VPS13C: variants seen among roughly 807,000 people sequenced by gnomAD.
VPS13C encodes vacuolar protein sorting 13 homolog C.
A neutral mutation model predicts 456.8 loss-of-function variants in VPS13C; 358 were observed. The observed-to-expected ratio is 0.78, with a 90% CI of 0.72 to 0.86. VPS13C has a LOEUF of 0.86. VPS13C is among the 40% of genes least tolerant of loss of function. The pLI is 0.00. For synonymous variants in VPS13C, 1,578 were observed against 1,486.7 expected (o/e 1.06, Z -1.41); for missense variants, 4,818 against 4,385.4 (o/e 1.10, Z -2.79).
chr15:61,963,437 G>A (rs1399724563), intron 32 of VPS13C, among the ~76,000 whole-genome samples: 1 of 151,136 alleles, frequency 6.6e-6, no homozygotes, highest in African/African-American at 2.4e-5. Context: ...GACAAATAAA[G>A]ACAAATACAT....
chr15:62,010,543 C>G lies in VPS13C; in HGVS notation c.940G>C (p.Glu314Gln). ...KLYMNPYAES[E>Q]LKTPKLDCNI... ...CAATCCAGTTTGGGCGTTTTGAGCT[C>G]TGATTCTGCATAAGGATTCATGTAG... The change falls in exon 13 of 85, where the codon GAG (glutamate) becomes CAG (glutamine). Residue 314 changes from glutamate to glutamine, a missense_variant. This residue lies in a region of VPS13C where 4,552 missense variants were observed against 4,130.6 expected (regional missense o/e 1.10). Transcript: ENST00000644861. The G allele has an allele frequency of 1.2e-6, 2 of 1,613,412 alleles. No homozygotes were observed. The highest frequency in any genetic ancestry group is 1.7e-6 in the Non-Finnish European group (2 of 1,179,726).
At chr15:62,000,002 G>C (rs2140455521) in intron 16 of VPS13C, among the ~76,000 whole-genome samples, 1 of 151,746 alleles carries the variant, frequency 6.6e-6, no homozygotes, top group South Asian at 2.1e-4. Context: ...AGTATTCTAA[G>C]TTGTCAGAAT....
intron 19 of VPS13C, 137 bp downstream of exon 19, chr15:61,984,720 A>G (rs1437341849): frequency 3.5e-6 from 3 of 850,376 alleles, no homozygotes; most frequent in African/African-American, 3.5e-5. Context: ...GAGCAAATAT[A>G]AAAAGGCTAT....
chr15:61,978,881 A>C (rs757429117), intron 22 of VPS13C, 132 bp from the exon 23 acceptor site: 1 of 748,504 alleles, frequency 1.3e-6, no homozygotes, highest in Non-Finnish European at 2.0e-6. Context: ...GCTCTTAATG[A>C]ATAAACATTT....
At chr15:61,875,123 G>A (rs969127973) in intron 76 of VPS13C, among the ~76,000 whole-genome samples, 172 bp from the exon 77 acceptor site, 5 of 151,988 alleles carry the variant, frequency 3.3e-5, no homozygotes, top group African/African-American at 1.2e-4. Flanking sequence ...TATTGTGTTT[G>A]AAGACACTTT....
At chr15:62,016,219 C>T (rs192494612) in intron 9 of VPS13C, among the ~76,000 whole-genome samples, 1 of 151,244 alleles carries the variant, frequency 6.6e-6, no homozygotes, top group African/African-American at 2.4e-5. Flanking sequence ...AGTCATAAGG[C>T]AAACTTGTCT....
At chr15:61,865,765 CGT>C (rs933988247) in intron 81 of VPS13C, 14 of 682,178 alleles carry the variant, frequency 2.1e-5, no homozygotes, top group Non-Finnish European at 2.5e-5. Context: ...CATATATGTA[CGT>C]GTGTATATAT....
intron 76 of VPS13C, among the ~76,000 whole-genome samples, chr15:61,875,406 A>T (rs1273964739): frequency 6.6e-6 from 1 of 152,020 alleles, no homozygotes; most frequent in African/African-American, 2.4e-5. Context: ...GACAGCTTGA[A>T]TATGAAACAA....
intron 8 of VPS13C, among the ~76,000 whole-genome samples, chr15:62,022,287 A>G (rs2047490897): frequency 2.0e-5 from 3 of 151,894 alleles, no homozygotes. Context: ...TTTACAAATT[A>G]GAAATGGGAT....
intron 68 of VPS13C, among the ~76,000 whole-genome samples, chr15:61,883,615 A>C (rs929357629): frequency 5.3e-5 from 8 of 152,144 alleles, no homozygotes; most frequent in African/African-American, 1.9e-4. Context: ...GTAAGGGCCT[A>C]GGTGGAGTGC....
At position 61,967,351 on chromosome 15, in the gene VPS13C, C is replaced by A. The variant is rs1302101527; in HGVS notation, c.2991+17G>T. 6.3e-7 allele frequency: 1 copy of A among 1,582,860 alleles called. No homozygotes were observed. Among genetic ancestry groups the A allele is most frequent in the Admixed American group, 1.7e-5 (1 of 57,520 alleles). On this transcript the variant is annotated intron_variant, in intron 29 of 84. Coordinates refer to ENST00000644861, the MANE Select transcript of VPS13C (RefSeq NM_020821.3). ...TTGGAGTAAACAATAAATATATAAT[C>A]ATTCTATAGCCCTTACCTTAATATA...
At chr15:61,924,799 T>C (rs1181675049) in intron 53 of VPS13C, among the ~76,000 whole-genome samples, 2 of 152,334 alleles carry the variant, frequency 1.3e-5, no homozygotes, top group East Asian at 1.9e-4. Context: ...ACTACCATTA[T>C]TGGCATTAAC....
chr15:61,883,229 G>T lies in VPS13C; in HGVS notation c.9484-493C>A, dbSNP rs1397565895. 3.4e-5 allele frequency among the ~76,000 whole-genome samples: 5 copies of T among 148,358 alleles called. No homozygotes were observed. In the Admixed American group the frequency reaches 3.4e-4, roughly 10 times the overall value. ...TTTTTTTTTTTTTTGTAGAGACAAG[G>T]TCTCACTATGTTGTCCAGGCAAGTC... On this transcript the variant is annotated intron_variant, in intron 68 of 84. Transcript: ENST00000644861.
chr15:61,965,865 A>C (rs998979092), intron 30 of VPS13C, among the ~76,000 whole-genome samples: 1 of 151,874 alleles, frequency 6.6e-6, no homozygotes, highest in Non-Finnish European at 1.5e-5. Flanking sequence ...AATAATACTG[A>C]AACTTTTAAG....
chr15:61,928,883 C>T (rs1307371517), intron 51 of VPS13C, among the ~76,000 whole-genome samples: 1 of 143,128 alleles, frequency 7.0e-6, no homozygotes, highest in African/African-American at 2.6e-5. Flanking sequence ...CAGCCCATCT[C>T]GAAAAAAATT....
At chr15:61,871,936 TA>T in intron 79 of VPS13C, 52 bp downstream of exon 79, 1 of 1,488,382 alleles carries the variant, frequency 6.7e-7, no homozygotes, top group Non-Finnish European at 9.3e-7. Context: ...CTATGTTTAC[TA>T]ATAGCATCAA....
intron 42 of VPS13C, among the ~76,000 whole-genome samples, chr15:61,948,745 C>G (rs2140282237): frequency 6.6e-6 from 1 of 151,604 alleles, no homozygotes; most frequent in African/African-American, 2.4e-5. Context: ...AGTTTTACAC[C>G]AAACATGCCA....
chr15:62,008,865 C>A lies in VPS13C; in HGVS notation c.1012-104G>T, dbSNP rs2046944971. Reference sequence around the variant, plus strand: ...CTAGTGAGACTCCAAATACCCTGAACAATGTTGCCTGGTAGTCCAATAATA... The same window carrying A: ...CTAGTGAGACTCCAAATACCCTGAAAAATGTTGCCTGGTAGTCCAATAATA... On this transcript the variant is annotated intron_variant, in intron 13 of 84. Coordinates refer to ENST00000644861, the MANE Select transcript of VPS13C (RefSeq NM_020821.3). The A allele has an allele frequency of 7.4e-6, 4 of 543,832 alleles. No homozygotes were observed. In the South Asian group the frequency reaches 1.6e-4, roughly 22 times the overall value. The allele number at this position is 543,832 out of a possible 1,614,324, so 33.7% of individuals were successfully genotyped here. A position where few individuals can be genotyped will look rare whatever the true frequency, so the allele number is the denominator to read the frequency against.
chr15:61,966,193 A>T, intron 29 of VPS13C, 51 bp from the exon 30 acceptor site: 2 of 1,299,982 alleles, frequency 1.5e-6, no homozygotes, highest in Non-Finnish European at 2.2e-6. Flanking sequence ...CGAAGTAAAT[A>T]AATCACTTAT....
Sources: allele counts gnomAD v4.1 joint callset (sites outside exome capture counted in the v4.1 genomes callset), GRCh38; gene constraint gnomAD v4.1.1; regional missense constraint gnomAD v4.1.1; transcripts MANE v1.5; gene names NCBI Gene and HGNC (gene_info 2026-07-23, HGNC 2026-07-21).